The following CACNA1C variants were observed in gnomAD, a reference collection of about 807,000 sequenced individuals.
CACNA1C encodes calcium voltage-gated channel subunit alpha1 C.
CACNA1C carries 30 observed loss-of-function variants against 229.0 expected under a neutral mutation model. That is an observed-to-expected ratio of 0.13 (90% CI 0.10 to 0.18). The LOEUF (loss-of-function observed/expected upper bound fraction) is 0.18. Ranked by LOEUF, CACNA1C falls within the 10% of genes least tolerant of loss-of-function variation. The pLI is 1.00. For synonymous variants in CACNA1C, 1,114 were observed against 1,132.5 expected (o/e 0.98, Z 0.33); for missense variants, 1,658 against 2,845.0 (o/e 0.58, Z 9.49).
intron 5 of CACNA1C, among the ~76,000 whole-genome samples, chr12:2,485,805 T>TG (rs903055019): frequency 6.6e-6 from 1 of 152,198 alleles, no homozygotes; most frequent in African/African-American, 2.4e-5. Context: ...GTCTGTAAGA[T>TG]GGGGTATTAC....
intron 3 of CACNA1C, among the ~76,000 whole-genome samples, chr12:2,172,300 C>T (rs1312293569): frequency 6.6e-6 from 1 of 152,174 alleles, no homozygotes; most frequent in Non-Finnish European, 1.5e-5. Flanking sequence ...CTAGTCTGAG[C>T]CAGAGGCTCT....
intron 3 of CACNA1C, among the ~76,000 whole-genome samples, chr12:2,266,125 A>G (rs1237528304): frequency 5.9e-5 from 9 of 152,228 alleles, no homozygotes; most frequent in African/African-American, 1.2e-4. Context: ...GTGGCTTGCC[A>G]TGTGCCCATC....
At chr12:2,594,683 A>C (rs2067193212) in intron 19 of CACNA1C, among the ~76,000 whole-genome samples, 1 of 152,208 alleles carries the variant, frequency 6.6e-6, no homozygotes, top group Non-Finnish European at 1.5e-5. Context: ...TTGGAATCTA[A>C]ATCACTTATC....
intron 3 of CACNA1C, among the ~76,000 whole-genome samples, chr12:2,329,978 C>T (rs968411141): frequency 6.6e-6 from 1 of 152,170 alleles, no homozygotes; most frequent in African/African-American, 2.4e-5. Context: ...ATTTAGGGGC[C>T]GTGTTGTTTG....
chr12:2,292,124 C>T (rs1380549208), intron 3 of CACNA1C, among the ~76,000 whole-genome samples: 1 of 152,194 alleles, frequency 6.6e-6, no homozygotes, highest in African/African-American at 2.4e-5. Context: ...TACTAAGTGC[C>T]AGGCCTTGTG....
chr12:2,246,273 C>A (rs1227799852), intron 3 of CACNA1C, among the ~76,000 whole-genome samples: 1 of 152,186 alleles, frequency 6.6e-6, no homozygotes, highest in Admixed American at 6.5e-5. Flanking sequence ...GATGCAGATG[C>A]TGGAGACCTT....
At chr12:2,641,596 C>T in intron 30 of CACNA1C, 1 of 630,416 alleles carries the variant, frequency 1.6e-6, no homozygotes, top group South Asian at 1.8e-5. Flanking sequence ...CCACCCCCAA[C>T]AAACCTAATG....
intron 9 of CACNA1C, among the ~76,000 whole-genome samples, chr12:2,515,123 G>A (rs976029784): frequency 6.6e-6 from 1 of 152,196 alleles, no homozygotes; most frequent in East Asian, 1.9e-4. Context: ...TGGAGTGGGA[G>A]CCTGGCTCCT....
intron 3 of CACNA1C, among the ~76,000 whole-genome samples, chr12:2,349,425 TAAG>T (rs951122188): frequency 3.3e-5 from 5 of 152,198 alleles, no homozygotes; most frequent in African/African-American, 9.6e-5. Flanking sequence ...TTTTTAAAGT[TAAG>T]AAGAAAAATG....
rs988743063 is a variant in CACNA1C at position 2,034,254 on chromosome 12, C to G, written c.139+63053C>G. The stretch of plus-strand genomic sequence containing the variant: ...TGGGAAAGTTAAGATTTTGCCACAT[C>G]CAAGTCCTTTTAGATCCAAGGCCGT... On this transcript the variant is annotated intron_variant, in intron 1 of 46. Coordinates refer to the CACNA1C transcript ENST00000682462. This position sits in a 1 kb window ranked among gnomAD's most constrained non-coding sequence, Gnocchi z 4.1. Among the ~76,000 whole-genome samples the G allele has an allele frequency of 2.0e-5, 3 of 152,212 alleles. No homozygotes were observed. Among genetic ancestry groups the G allele is most frequent in the African/African-American group, 7.2e-5 (3 of 41,450 alleles).
intron 3 of CACNA1C, among the ~76,000 whole-genome samples, chr12:2,417,816 TC>T (rs1036623717): frequency 6.6e-6 from 1 of 151,484 alleles, no homozygotes; most frequent in Admixed American, 6.6e-5. Flanking sequence ...GTGCTCCAAT[TC>T]CCCCCTGCAG....
At chr12:2,338,542 A>G (rs2096769104) in intron 3 of CACNA1C, among the ~76,000 whole-genome samples, 1 of 130,794 alleles carries the variant, frequency 7.6e-6, no homozygotes, top group Non-Finnish European at 1.6e-5. Flanking sequence ...CCCTCCAGTC[A>G]GTGACACTGA....
intron 9 of CACNA1C, among the ~76,000 whole-genome samples, chr12:2,527,000 T>G (rs1406785526): frequency 5.3e-5 from 8 of 152,206 alleles, no homozygotes; most frequent in African/African-American, 1.9e-4. Context: ...AAAGAGAAAT[T>G]TAAAGGTTTA....
At chr12:2,361,546 G>A (rs962343454) in intron 3 of CACNA1C, among the ~76,000 whole-genome samples, 7 of 151,918 alleles carry the variant, frequency 4.6e-5, no homozygotes, top group African/African-American at 1.4e-4. Context: ...GGGTGCAGTT[G>A]TAATGGCTGG....
chr12:2,482,554 C>G (rs1246224595), intron 5 of CACNA1C, among the ~76,000 whole-genome samples: 1 of 152,178 alleles, frequency 6.6e-6, no homozygotes, highest in African/African-American at 2.4e-5. Flanking sequence ...CAATAGAGTG[C>G]TGAGGGCTGC....
intron 3 of CACNA1C, among the ~76,000 whole-genome samples, chr12:2,192,412 C>T (rs1376165047): frequency 2.0e-5 from 3 of 152,172 alleles, no homozygotes; most frequent in African/African-American, 4.8e-5. Context: ...TTCTTCTGCG[C>T]GTGGATTCCC....
In CACNA1C at chr12:2,041,269, T is replaced by TC. The variant is rs1566008658; in HGVS notation, c.139+70069dup. On this transcript the variant is annotated intron_variant, in intron 1 of 46. Coordinates refer to the CACNA1C transcript ENST00000682462. ...TGGGTCACAGTGATGCTAAGGGTATTCTTTTTTTTTTTTTTTTTTTTTTTT... is the reference window on the plus strand; with the variant it reads ...TGGGTCACAGTGATGCTAAGGGTATTCCTTTTTTTTTTTTTTTTTTTTTTTT... Among the ~76,000 whole-genome samples, 249 of 133,052 alleles carry TC rather than the reference T, an allele frequency of 1.9e-3. 3 individuals are homozygous for TC. Among genetic ancestry groups the TC allele is most frequent in the African/African-American group, 7.4e-3 (231 of 31,328 alleles). The allele number at this position is 133,052 out of a possible 152,430, so 87.3% of individuals were successfully genotyped here.
At chr12:2,184,602 A>G (rs752460879) in intron 3 of CACNA1C, among the ~76,000 whole-genome samples, 3 of 152,178 alleles carry the variant, frequency 2.0e-5, no homozygotes, top group Non-Finnish European at 2.9e-5. Context: ...ATCTTTCTAC[A>G]TAGTTTATTC....
At chr12:2,456,025 A>G (rs1197894574) in intron 4 of CACNA1C, among the ~76,000 whole-genome samples, 2 of 152,168 alleles carry the variant, frequency 1.3e-5, no homozygotes, top group African/African-American at 4.8e-5. Context: ...TGACCTCCAG[A>G]CACAGTAGAA....
Sources: gnomAD v4.1 joint callset for allele counts (sites outside exome capture counted in the v4.1 genomes callset) on GRCh38, gnomAD v4.1.1 for gene constraint, Gnocchi (gnomAD v3.1) non-coding constraint, MANE v1.5 for transcripts, NCBI Gene and HGNC (gene_info 2026-07-23, HGNC 2026-07-21) for gene names.